MEF2A: variants seen among roughly 807,000 people sequenced by gnomAD.
MEF2A encodes myocyte-specific enhancer factor 2A.
A neutral mutation model predicts 55.8 loss-of-function variants in MEF2A; 28 were observed. The observed-to-expected ratio is 0.50, with a 90% CI of 0.37 to 0.69. The LOEUF is 0.69. Among genes scored for constraint, MEF2A ranks in the 30% least tolerant of loss-of-function variants. MEF2A has a pLI of 0.00. For missense variants in MEF2A, 528 were observed against 626.2 expected (o/e 0.84, Z 1.67); for synonymous variants, 239 against 227.1 (o/e 1.05, Z -0.47).
Position 99,637,320 on chromosome 15 carries a change from A to C in MEF2A, c.54+4147A>C, listed in dbSNP as rs77135028. Among the ~76,000 whole-genome samples, 10 of 152,206 alleles carry C rather than the reference A, an allele frequency of 6.6e-5. No individual in the cohort carries two copies. The East Asian group carries it at 1.7e-3, about 26-fold the overall frequency. On this transcript the variant is annotated intron_variant, in intron 3 of 11. Transcript: ENST00000557942. Reference sequence around the variant, plus strand: ...TCTTGTAATCTATGAACATGTTTGTATTTCATTTGGTTTTCATTAATTCTC... The same window carrying C: ...TCTTGTAATCTATGAACATGTTTGTCTTTCATTTGGTTTTCATTAATTCTC...
At chr15:99,618,538 G>GT (rs760112535) in intron 2 of MEF2A, among the ~76,000 whole-genome samples, 3 of 152,096 alleles carry the variant, frequency 2.0e-5, no homozygotes, top group Non-Finnish European at 4.4e-5. Context: ...CTGTGCAGTG[G>GT]TTATCTTTAT....
At chr15:99,702,520 C>T (rs541232881) in intron 8 of MEF2A, among the ~76,000 whole-genome samples, 6 of 151,556 alleles carry the variant, frequency 4.0e-5, no homozygotes, top group East Asian at 1.9e-4. Context: ...CTCTGCCGCC[C>T]GGGTTCAAGC....
At chr15:99,577,591 C>CCAG (rs1271003315) in intron 1 of MEF2A, among the ~76,000 whole-genome samples, 2 of 152,184 alleles carry the variant, frequency 1.3e-5, no homozygotes, top group African/African-American at 4.8e-5. Flanking sequence ...AATGCCAAAA[C>CCAG]CAGGAAAGTA....
Position 99,712,898 on chromosome 15 carries a change from T to C in MEF2A, c.*127T>C, listed in dbSNP as rs1332797812. ...ATACATATATATATCCCTTTACATA[T>C]ATATGTATGTGGGTGTGAGTGTGTA... is the stretch of plus-strand genomic sequence containing the variant. On this transcript the variant is annotated 3_prime_UTR_variant, in exon 12 of 12. Coordinates refer to ENST00000557942, the MANE Select transcript of MEF2A (RefSeq NM_001319206.4). The surrounding 1 kb of genome is among the most constrained non-coding windows in gnomAD (Gnocchi z 4.1). The C allele has an allele frequency of 7.5e-6, 8 of 1,063,654 alleles. No homozygotes were observed. Among genetic ancestry groups the C allele is most frequent in the Non-Finnish European group, 1.1e-5 (8 of 756,322 alleles). The allele number at this position is 1,063,654 out of a possible 1,614,324, so 65.9% of individuals were successfully genotyped here. A position where few individuals can be genotyped will look rare whatever the true frequency, so the allele number is the denominator to read the frequency against.
intron 4 of MEF2A, among the ~76,000 whole-genome samples, chr15:99,656,887 A>G (rs1394992877): frequency 6.6e-6 from 1 of 152,122 alleles, no homozygotes; most frequent in Non-Finnish European, 1.5e-5. Context: ...TGGTACAACC[A>G]TGAACGCTAT....
At chr15:99,657,143 A>G (rs2047875097) in intron 4 of MEF2A, among the ~76,000 whole-genome samples, 2 of 152,054 alleles carry the variant, frequency 1.3e-5, no homozygotes, top group South Asian at 4.1e-4. Flanking sequence ...TCATTCTGTG[A>G]CCAAATAGTA....
intron 2 of MEF2A, among the ~76,000 whole-genome samples, chr15:99,621,589 C>CT (rs1246800095): frequency 2.0e-5 from 3 of 152,082 alleles, no homozygotes; most frequent in African/African-American, 7.2e-5. Flanking sequence ...CATTTTGTCC[C>CT]TTTACTATTG....
At chr15:99,640,366 A>G (rs964917547) in intron 3 of MEF2A, among the ~76,000 whole-genome samples, 10 of 152,120 alleles carry the variant, frequency 6.6e-5, no homozygotes, top group African/African-American at 2.4e-4. Flanking sequence ...GAGGTGATGT[A>G]CCTTCTTGGC....
chr15:99,685,182 T>C (rs1210657735), intron 7 of MEF2A, among the ~76,000 whole-genome samples: 2 of 152,230 alleles, frequency 1.3e-5, no homozygotes, highest in Non-Finnish European at 2.9e-5. Context: ...GCAGGCTCTT[T>C]TGGTTCCATA....
rs545290645 is a variant in MEF2A, at chr15:99,613,367, GTTA to G, written c.-143+14862_-143+14864del. Among the ~76,000 whole-genome samples, 748 of 152,188 alleles carry G rather than the reference GTTA, an allele frequency of 4.9e-3. 7 individuals are homozygous for G. Among genetic ancestry groups the G allele is most frequent in the African/African-American group, 0.017 (704 of 41,520 alleles). ...ATTGATCCATTTATTGAACTATCTA[GTTA>G]TTATTGTTTTATGCAACAATAGTAA... is the stretch of plus-strand genomic sequence containing the variant. On this transcript the variant is annotated intron_variant, in intron 2 of 11. Transcript: ENST00000557942.
At chr15:99,652,335 C>G (rs34756251) in intron 4 of MEF2A, among the ~76,000 whole-genome samples, 1 of 152,036 alleles carries the variant, frequency 6.6e-6, no homozygotes, top group Non-Finnish European at 1.5e-5. Flanking sequence ...CATTCTCTTA[C>G]GAGAATCCAA....
At position 99,641,488 on chromosome 15, in the gene MEF2A, C is replaced by G. The variant is rs113554858; in HGVS notation, c.55-4073C>G. Among the ~76,000 whole-genome samples the G allele has an allele frequency of 9.9e-4, 150 of 152,208 alleles. 1 individual carries two copies. Among genetic ancestry groups the G allele is most frequent in the African/African-American group, 3.5e-3 (146 of 41,540 alleles). ...CCTGTAATCCCAGCACTTTGGGAGG[C>G]CGAGGCGGGCGGATCACGAGGTCAG... On this transcript the variant is annotated intron_variant, in intron 3 of 11. Transcript: ENST00000557942.
At chr15:99,635,789 A>G (rs1338518696) in intron 3 of MEF2A, among the ~76,000 whole-genome samples, 2 of 152,148 alleles carry the variant, frequency 1.3e-5, no homozygotes, top group Non-Finnish European at 2.9e-5. Flanking sequence ...TGTATAATCT[A>G]TTGTGTCAGT....
intron 1 of MEF2A, among the ~76,000 whole-genome samples, chr15:99,590,519 A>G (rs913864197): frequency 8.0e-5 from 12 of 150,292 alleles, no homozygotes; most frequent in African/African-American, 2.7e-4. Flanking sequence ...ATTTAAGTGT[A>G]CCATCTTGCC....
At chr15:99,604,111 C>T (rs1974259523) in intron 2 of MEF2A, among the ~76,000 whole-genome samples, 3 of 152,218 alleles carry the variant, frequency 2.0e-5, no homozygotes, top group South Asian at 4.1e-4. Context: ...GACTTTATTA[C>T]TAGGTTTTAG....
rs540245353 is a variant in MEF2A at position 99,600,768 on chromosome 15, C to T, written c.-143+2257C>T. On this transcript the variant is annotated intron_variant, in intron 2 of 11. Coordinates refer to ENST00000557942, the MANE Select transcript of MEF2A (RefSeq NM_001319206.4). ...TCTGCTGATCTATATATCCTTATGA[C>T]AGTGCTTCACTGTCTTGATTACTGA... Among the ~76,000 whole-genome samples, 103 of 152,264 alleles carry T rather than the reference C, an allele frequency of 6.8e-4. 1 individual carries two copies. Among genetic ancestry groups the T allele is most frequent in the Non-Finnish European group, 5.6e-4 (38 of 67,998 alleles).
At chr15:99,670,704 G>A (rs993187661) in intron 4 of MEF2A, among the ~76,000 whole-genome samples, 2 of 152,186 alleles carry the variant, frequency 1.3e-5, no homozygotes, top group Non-Finnish European at 2.9e-5. Context: ...ACTTTTGAGT[G>A]CAAATTTTAA....
chr15:99,637,890 GC>G (rs2044173587), intron 3 of MEF2A, among the ~76,000 whole-genome samples: 1 of 152,048 alleles, frequency 6.6e-6, no homozygotes. Context: ...TGATCTGCCC[GC>G]CTCGGCCTCC....
chr15:99,621,063 T>A (rs1415364287), intron 2 of MEF2A: 1 of 152,186 alleles, frequency 6.6e-6, no homozygotes, highest in African/African-American at 2.4e-5. Context: ...CAGGCTGGTC[T>A]CGAACTCTGG....
Sources: allele counts gnomAD v4.1 joint callset (sites outside exome capture counted in the v4.1 genomes callset), GRCh38; gene constraint gnomAD v4.1.1; non-coding constraint Gnocchi (gnomAD v3.1); transcripts MANE v1.5; gene names NCBI Gene and HGNC (gene_info 2026-07-23, HGNC 2026-07-21).